SZRD1: variants seen among roughly 807,000 people sequenced by gnomAD.
SZRD1 encodes SUZ RNA binding domain containing 1.
Under a neutral mutation model 17.6 loss-of-function variants are expected in SZRD1, and 7 were observed. The observed-to-expected ratio is 0.40, with a 90% CI of 0.23 to 0.75. The LOEUF is 0.75. Among genes scored for constraint, SZRD1 ranks in the 30% least tolerant of loss-of-function variants. The pLI is 0.38. For missense variants in SZRD1, 178 were observed against 201.8 expected (o/e 0.88, Z 0.71); for synonymous variants, 77 against 77.9 (o/e 0.99, Z 0.06).
At chr1:16,374,452 C>T (rs1175680627) in intron 1 of SZRD1, among the ~76,000 whole-genome samples, 1 of 152,200 alleles carries the variant, frequency 6.6e-6, no homozygotes, top group Non-Finnish European at 1.5e-5. Flanking sequence ...AGGGCCTGTT[C>T]CCAGCGTGCT....
intron 1 of SZRD1, among the ~76,000 whole-genome samples, chr1:16,379,336 C>T (rs1557624872): frequency 6.6e-6 from 1 of 152,084 alleles, no homozygotes; most frequent in African/African-American, 2.4e-5. Flanking sequence ...CCAGAATGGC[C>T]TCGTGATCCG....
At chr1:16,379,564 A>G (rs947222838) in intron 1 of SZRD1, among the ~76,000 whole-genome samples, 1 of 152,194 alleles carries the variant, frequency 6.6e-6, no homozygotes, top group Non-Finnish European at 1.5e-5. Flanking sequence ...TTGCCAAGAA[A>G]TGCCTAAGGC....
rs780071456 is a variant in SZRD1, at chr1:16,367,353, G to C, written c.51+45G>C. 8 of 1,521,164 alleles carry C rather than the reference G, an allele frequency of 5.3e-6. No homozygotes were observed. In the South Asian group the frequency reaches 8.4e-5, roughly 16 times the overall value. The allele number at this position is 1,521,164 out of a possible 1,614,324, so 94.2% of individuals were successfully genotyped here. ...CCATGGCAGGGCCGGGCGAGACCTG[G>C]CGTGAGGGGAGCCTCCGGGGAGCGG... is the stretch of plus-strand genomic sequence containing the variant. On this transcript the variant is annotated intron_variant, in intron 1 of 3. Transcript: ENST00000401088.
chr1:16,385,585 C>G (rs1312240979), intron 1 of SZRD1, among the ~76,000 whole-genome samples: 8 of 152,136 alleles, frequency 5.3e-5, no homozygotes, highest in African/African-American at 1.9e-4. Context: ...AGTAAACCTA[C>G]CACTGTAATC....
At chr1:16,370,080 G>A (rs796979482) in intron 1 of SZRD1, among the ~76,000 whole-genome samples, 2 of 152,208 alleles carry the variant, frequency 1.3e-5, no homozygotes, top group African/African-American at 2.4e-5. Context: ...CCTGTTTTGC[G>A]CAAGATCACA....
chr1:16,369,907 A>C (rs1360887498), intron 1 of SZRD1, among the ~76,000 whole-genome samples: 1 of 151,908 alleles, frequency 6.6e-6, no homozygotes, highest in African/African-American at 2.4e-5. Context: ...AACAAAAAAA[A>C]AAAACTACAG....
Position 16,397,091 on chromosome 1 carries a change from T to G in SZRD1, c.*1951T>G, listed in dbSNP as rs2085324895. The G allele has an allele frequency of 6.6e-6, 1 of 152,276 alleles. No individual in the cohort carries two copies. 9.4% of individuals were successfully genotyped at this position (152,276 alleles called of 1,614,324 possible). A position where few individuals can be genotyped will look rare whatever the true frequency, so the allele number is the denominator to read the frequency against. On this transcript the variant is annotated 3_prime_UTR_variant, in exon 4 of 4. Coordinates refer to ENST00000401088, the MANE Select transcript of SZRD1 (RefSeq NM_001114600.3). This position sits in a 1 kb window ranked among gnomAD's most constrained non-coding sequence, Gnocchi z 5.4. The stretch of plus-strand genomic sequence containing the variant: ...TAATTGGAGAAGGGTATAGAGGTAG[T>G]CCAGGTGGGAACGCCAGAAGTGCTG...
At chr1:16,367,330 A>G (rs1192598819) in intron 1 of SZRD1, 22 bp downstream of exon 1, 12 of 1,546,972 alleles carry the variant, frequency 7.8e-6, no homozygotes, top group Non-Finnish European at 9.6e-6. Context: ...CCGCCGTCCC[A>G]TGGCAGGGCC....
intron 1 of SZRD1, among the ~76,000 whole-genome samples, chr1:16,372,745 T>G (rs985195771): frequency 6.6e-6 from 1 of 152,200 alleles, no homozygotes; most frequent in Non-Finnish European, 1.5e-5. Flanking sequence ...ATGAGCCAGT[T>G]ATCCAAACAT....
rs1016239514 is a variant in SZRD1 at position 16,391,977 on chromosome 1, G to A, written c.101+553G>A. Among the ~76,000 whole-genome samples, 1 of 152,052 alleles carries A rather than the reference G, an allele frequency of 6.6e-6. No individual in the cohort carries two copies. Among genetic ancestry groups the A allele is most frequent in the Non-Finnish European group, 1.5e-5 (1 of 68,002 alleles). Reference sequence around the variant, plus strand: ...AGTTGACTTCGGCTTTCTGCTTTTGGGCTTAGGGAACCTGTTGGTTTTCCA... The same window carrying A: ...AGTTGACTTCGGCTTTCTGCTTTTGAGCTTAGGGAACCTGTTGGTTTTCCA... On this transcript the variant is annotated intron_variant, in intron 2 of 3. Coordinates refer to ENST00000401088, the MANE Select transcript of SZRD1 (RefSeq NM_001114600.3). This position sits in a 1 kb window ranked among gnomAD's most constrained non-coding sequence, Gnocchi z 4.3.
At chr1:16,390,994 C>G (rs946942241) in intron 1 of SZRD1, among the ~76,000 whole-genome samples, 1 of 152,116 alleles carries the variant, frequency 6.6e-6, no homozygotes, top group African/African-American at 2.4e-5. Flanking sequence ...GTGACATGAT[C>G]AGATTTATGT....
intron 1 of SZRD1, among the ~76,000 whole-genome samples, chr1:16,384,630 G>C (rs2083157775): frequency 6.6e-6 from 1 of 152,246 alleles, no homozygotes; most frequent in Admixed American, 6.5e-5. Flanking sequence ...CTGGGCGCCA[G>C]TGTCCCTCCC....
At chr1:16,383,583 ATTTTTTTCTT>A (rs908096880) in intron 1 of SZRD1, among the ~76,000 whole-genome samples, 171 of 135,336 alleles carry the variant, frequency 1.3e-3, no homozygotes, top group African/African-American at 4.2e-3. Flanking sequence ...ATTAATTTTA[ATTTTTTTCTT>A]TTTTTTTCTT....
chr1:16,378,475 A>G (rs549913482), intron 1 of SZRD1, among the ~76,000 whole-genome samples: 1 of 151,478 alleles, frequency 6.6e-6, no homozygotes, highest in East Asian at 2.0e-4. Flanking sequence ...TTTATTAGAG[A>G]CAGGGTTTCA....
At position 16,395,168 on chromosome 1, in the gene SZRD1, G is replaced by GCTGCCGTCA. The variant is rs774140953; in HGVS notation, c.*30_*38dup. ...GCAGGCAAGAAAAGATGCCGCCGTT[G>GCTGCCGTCA]CTGCCGTCACCGCCTCCTGGGTCGT... On this transcript the variant is annotated 3_prime_UTR_variant, in exon 4 of 4. Transcript: ENST00000401088. The GCTGCCGTCA allele has an allele frequency of 6.5e-7, 1 of 1,539,810 alleles. No homozygotes were observed. Among genetic ancestry groups the GCTGCCGTCA allele is most frequent in the South Asian group, 1.1e-5 (1 of 89,600 alleles).
chr1:16,385,722 C>T (rs139866096), intron 1 of SZRD1, among the ~76,000 whole-genome samples: 43 of 152,220 alleles, frequency 2.8e-4, no homozygotes, highest in African/African-American at 8.9e-4. Context: ...TGATCTTATC[C>T]GCATTGTACT....
intron 1 of SZRD1, among the ~76,000 whole-genome samples, chr1:16,379,744 A>T (rs1460218292): frequency 6.7e-6 from 1 of 148,740 alleles, no homozygotes; most frequent in East Asian, 2.0e-4. Flanking sequence ...TATCTATAAA[A>T]TCCTGTTGAT....
Position 16,397,913 on chromosome 1 carries a change from C to T in SZRD1, c.*2773C>T. ...ACCCAGCCTCCCTGGTAAGCAGAGA[C>T]TCAAGAAACCTCTGGGGTCCTGTTT... On this transcript the variant is annotated 3_prime_UTR_variant, in exon 4 of 4. Transcript: ENST00000401088. This position sits in a 1 kb window ranked among gnomAD's most constrained non-coding sequence, Gnocchi z 5.4. 1 of 479,384 alleles carries T rather than the reference C, an allele frequency of 2.1e-6. No individual in the cohort carries two copies. The highest frequency in any genetic ancestry group is 2.7e-6 in the Non-Finnish European group (1 of 367,326). 29.7% of individuals were successfully genotyped at this position (479,384 alleles called of 1,614,324 possible).
At position 16,395,605 on chromosome 1, in the gene SZRD1, C is replaced by CT. The variant is rs145874191; in HGVS notation, c.*475dup. 0.14 allele frequency: 21,197 copies of CT among 156,374 alleles called. 1,661 individuals carry two copies. Among genetic ancestry groups the CT allele is most frequent in the African/African-American group, 0.21 (8,790 of 41,158 alleles). 9.7% of individuals were successfully genotyped at this position (156,374 alleles called of 1,614,324 possible). A position where few individuals can be genotyped will look rare whatever the true frequency, so the allele number is the denominator to read the frequency against. Reference sequence around the variant, plus strand: ...TAAGTTCCATTTGAAAATATCCTTTCTTTTTTTTTTCTTCCTATTTTTGTT... The same window carrying CT: ...TAAGTTCCATTTGAAAATATCCTTTCTTTTTTTTTTTCTTCCTATTTTTGTT... On this transcript the variant is annotated 3_prime_UTR_variant, in exon 4 of 4. Coordinates refer to ENST00000401088, the MANE Select transcript of SZRD1 (RefSeq NM_001114600.3).
Sources: allele counts gnomAD v4.1 joint callset (sites outside exome capture counted in the v4.1 genomes callset), GRCh38; gene constraint gnomAD v4.1.1; non-coding constraint Gnocchi (gnomAD v3.1); transcripts MANE v1.5; gene names NCBI Gene and HGNC (gene_info 2026-07-23, HGNC 2026-07-21).